The following CCSER1 variants were observed in gnomAD, a reference collection of about 807,000 sequenced individuals.
CCSER1 encodes coiled-coil serine rich protein 1, also known as serine-rich coiled-coil domain-containing protein 1.
A neutral mutation model predicts 82.0 loss-of-function variants in CCSER1; 41 were observed. The observed-to-expected ratio is 0.50, with a 90% CI of 0.39 to 0.65. The LOEUF (loss-of-function observed/expected upper bound fraction) is 0.65, where lower values mean the gene tolerates loss of function less well. CCSER1 is among the 30% of genes least tolerant of loss of function. CCSER1 has a pLI of 0.00. For missense variants in CCSER1, 1,119 were observed against 1,064.2 expected (o/e 1.05, Z -0.72); for synonymous variants, 414 against 383.9 (o/e 1.08, Z -0.92).
At chr4:90,694,556 C>T (rs1467314268) in intron 6 of CCSER1, among the ~76,000 whole-genome samples, 2 of 151,938 alleles carry the variant, frequency 1.3e-5, no homozygotes, top group East Asian at 3.9e-4. Flanking sequence ...GCTTTCAGTG[C>T]TAGTGAATGT....
At chr4:91,434,166 GTTTGT>G (rs1754499286) in intron 10 of CCSER1, among the ~76,000 whole-genome samples, 1 of 151,650 alleles carries the variant, frequency 6.6e-6, no homozygotes, top group Non-Finnish European at 1.5e-5. Context: ...TATTGTAATG[GTTTGT>G]TTTAACTGCT....
intron 4 of CCSER1, among the ~76,000 whole-genome samples, chr4:90,464,182 T>C (rs1441521694): frequency 6.6e-6 from 1 of 152,160 alleles, no homozygotes; most frequent in African/African-American, 2.4e-5. Flanking sequence ...TAAAAATGAT[T>C]TCTACTCTGC....
chr4:90,622,940 CTT>C (rs1279725481), intron 5 of CCSER1, among the ~76,000 whole-genome samples: 1 of 151,388 alleles, frequency 6.6e-6, no homozygotes, highest in African/African-American at 2.4e-5. Flanking sequence ...TGTTTCCTGA[CTT>C]TTTAATGATC....
At chr4:91,156,832 A>G (rs578212526) in intron 10 of CCSER1, among the ~76,000 whole-genome samples, 6 of 151,572 alleles carry the variant, frequency 4.0e-5, no homozygotes, top group Non-Finnish European at 8.8e-5. Context: ...CTTTTCTGGG[A>G]TGTATTTTGG....
At chr4:91,202,945 T>C (rs779087514) in intron 10 of CCSER1, among the ~76,000 whole-genome samples, 1 of 151,588 alleles carries the variant, frequency 6.6e-6, no homozygotes, top group Non-Finnish European at 1.5e-5. Context: ...TTTAAAGATT[T>C]TATGTTGTTG....
At chr4:91,580,188 T>C (rs950817789) in intron 10 of CCSER1, among the ~76,000 whole-genome samples, 1 of 151,880 alleles carries the variant, frequency 6.6e-6, no homozygotes, top group African/African-American at 2.4e-5. Context: ...GAATTTGACA[T>C]AGTTGTACTT....
chr4:90,812,622 T>C (rs972315462), intron 7 of CCSER1, among the ~76,000 whole-genome samples: 1 of 152,146 alleles, frequency 6.6e-6, no homozygotes, highest in Admixed American at 6.5e-5. Flanking sequence ...TCTATACTAG[T>C]CCATTTTCAC....
chr4:90,971,734 C>T (rs1735129496), intron 9 of CCSER1, among the ~76,000 whole-genome samples: 1 of 151,746 alleles, frequency 6.6e-6, no homozygotes, highest in African/African-American at 2.4e-5. Flanking sequence ...GGCAAATATC[C>T]CTGATGAACA....
intron 5 of CCSER1, among the ~76,000 whole-genome samples, chr4:90,507,580 A>T (rs957458498): frequency 6.6e-6 from 1 of 152,116 alleles, no homozygotes; most frequent in African/African-American, 2.4e-5. Context: ...CAATCATTTC[A>T]TACATTTTAT....
intron 4 of CCSER1, among the ~76,000 whole-genome samples, chr4:90,435,013 GCTT>G (rs1225141110): frequency 5.9e-5 from 9 of 152,172 alleles, no homozygotes; most frequent in African/African-American, 1.2e-4. Flanking sequence ...CTTTCTCACT[GCTT>G]CTTCTTCTTT....
rs1480236521 is a variant in CCSER1, at chr4:90,648,341, G to GAAAGAAAGAA, written c.1932+20110_1932+20111insAAGAAAGAAA. Among the ~76,000 whole-genome samples, 19 of 151,104 alleles carry GAAAGAAAGAA rather than the reference G, an allele frequency of 1.3e-4. 1 individual carries two copies. Among genetic ancestry groups the GAAAGAAAGAA allele is most frequent in the Admixed American group, 1.3e-4 (2 of 15,178 alleles). ...AGAAAGAAAGAAAGAAAGAAAGAAA[G>GAAAGAAAGAA]AGAGTTGCCCTCAAGAAAGAAGTAT... On this transcript the variant is annotated intron_variant, in intron 6 of 10. Transcript: ENST00000509176.
At chr4:91,284,470 A>G (rs1300902541) in intron 10 of CCSER1, among the ~76,000 whole-genome samples, 1 of 152,120 alleles carries the variant, frequency 6.6e-6, no homozygotes, top group Non-Finnish European at 1.5e-5. Flanking sequence ...ACCTCGGCAG[A>G]GTCAGATACC....
At chr4:91,521,176 T>C (rs999200327) in intron 10 of CCSER1, among the ~76,000 whole-genome samples, 2 of 152,184 alleles carry the variant, frequency 1.3e-5, no homozygotes, top group Non-Finnish European at 2.9e-5. Flanking sequence ...AGAATGATGG[T>C]TTACAGCTTC....
intron 4 of CCSER1, among the ~76,000 whole-genome samples, chr4:90,459,824 C>A (rs557776715): frequency 6.6e-6 from 1 of 152,244 alleles, no homozygotes; most frequent in South Asian, 2.1e-4. Flanking sequence ...CATTCAAGAA[C>A]ACCATTGGCT....
chr4:91,164,684 C>G (rs1022291850), intron 10 of CCSER1, among the ~76,000 whole-genome samples: 1 of 152,066 alleles, frequency 6.6e-6, no homozygotes, highest in Non-Finnish European at 1.5e-5. Context: ...TTCATTTGAT[C>G]TTCCATCACT....
chr4:91,513,005 A>C (rs1578662707), intron 10 of CCSER1, among the ~76,000 whole-genome samples: 2 of 152,056 alleles, frequency 1.3e-5, no homozygotes, highest in Admixed American at 1.3e-4. Flanking sequence ...TATTGTGTTA[A>C]ATAGGAGTGG....
intron 6 of CCSER1, among the ~76,000 whole-genome samples, chr4:90,636,553 A>G (rs1335761440): frequency 6.6e-6 from 1 of 152,072 alleles, no homozygotes; most frequent in Non-Finnish European, 1.5e-5. Context: ...TTAGCATCCA[A>G]AAACCAAGCA....
intron 10 of CCSER1, among the ~76,000 whole-genome samples, chr4:91,342,778 G>T (rs1256596619): frequency 6.6e-6 from 1 of 151,976 alleles, no homozygotes; most frequent in East Asian, 1.9e-4. Flanking sequence ...CTATTGTCAG[G>T]CATAGGAATG....
chr4:91,268,835 A>C (rs1397272505), intron 10 of CCSER1, among the ~76,000 whole-genome samples: 2 of 152,210 alleles, frequency 1.3e-5, no homozygotes, highest in Non-Finnish European at 2.9e-5. Flanking sequence ...GCAGGAACAA[A>C]TCACAATGGT....
Sources: gnomAD v4.1 joint callset for allele counts (sites outside exome capture counted in the v4.1 genomes callset) on GRCh38, gnomAD v4.1.1 for gene constraint, MANE v1.5 for transcripts, NCBI Gene and HGNC (gene_info 2026-07-23, HGNC 2026-07-21) for gene names.